SH2D4B: variants seen among roughly 807,000 people sequenced by gnomAD.
The protein encoded by SH2D4B is SH2 domain-containing protein 4B.
SH2D4B carries 45 observed loss-of-function variants against 61.5 expected under a neutral mutation model. The ratio of observed to expected loss-of-function variants is 0.73; its 90% CI spans 0.58 to 0.94. SH2D4B has a LOEUF of 0.94. Among genes scored for constraint, SH2D4B ranks in the 40% least tolerant of loss-of-function variants. SH2D4B has a pLI of 0.00. For missense variants in SH2D4B, 572 were observed against 574.2 expected (o/e 1.00, Z 0.04); for synonymous variants, 224 against 220.4 (o/e 1.02, Z -0.14).
At chr10:80,615,536 C>T (rs1842650955) in intron 6 of SH2D4B, among the ~76,000 whole-genome samples, 2 of 152,222 alleles carry the variant, frequency 1.3e-5, no homozygotes, top group Non-Finnish European at 2.9e-5. Flanking sequence ...CCTCCTCATT[C>T]CTGACCTTGG....
chr10:80,631,641 C>T (rs973731371), intron 6 of SH2D4B, among the ~76,000 whole-genome samples: 4 of 152,218 alleles, frequency 2.6e-5, no homozygotes, highest in African/African-American at 9.6e-5. Flanking sequence ...GAATGAAATC[C>T]TGTCATTTGT....
At position 80,612,182 on chromosome 10, in the gene SH2D4B, C is replaced by CTTTTTTTTTT. The variant is rs796771295; in HGVS notation, c.988+2638_988+2647dup. Among the ~76,000 whole-genome samples, 9 of 62,982 alleles carry CTTTTTTTTTT rather than the reference C, an allele frequency of 1.4e-4. 1 individual carries two copies. The highest frequency in any genetic ancestry group is 9.9e-4 in the East Asian group (1 of 1,012). The allele number at this position is 62,982 out of a possible 152,430, so 41.3% of individuals were successfully genotyped here. A position where few individuals can be genotyped will look rare whatever the true frequency, so the allele number is the denominator to read the frequency against. On this transcript the variant is annotated intron_variant, in intron 6 of 7. Transcript: ENST00000646907. The stretch of plus-strand genomic sequence containing the variant: ...CAGCCCGGGACCTCCCCCACTCCTG[C>CTTTTTTTTTT]TTTTTTTTTTTTTTTTCAACTTTAC...
At position 80,599,344 on chromosome 10, in the gene SH2D4B, G is replaced by A. The variant is rs140277951; in HGVS notation, c.644-4235G>A. The stretch of plus-strand genomic sequence containing the variant: ...ATGGGACATCGTGCAGTTTCTCCTT[G>A]GACATAACTGACTTGAAACTCTCCT... On this transcript the variant is annotated intron_variant, in intron 4 of 7. Coordinates refer to ENST00000646907, the MANE Select transcript of SH2D4B (RefSeq NM_001388272.1). Among the ~76,000 whole-genome samples the A allele has an allele frequency of 3.9e-3, 600 of 152,186 alleles. 2 individuals carry two copies. Among genetic ancestry groups the A allele is most frequent in the Non-Finnish European group, 6.6e-3 (451 of 67,996 alleles).
chr10:80,638,318 A>T (rs1564532036), intron 7 of SH2D4B, among the ~76,000 whole-genome samples: 1 of 152,176 alleles, frequency 6.6e-6, no homozygotes, highest in Non-Finnish European at 1.5e-5. Flanking sequence ...GTTAGAGAGG[A>T]TTCCCTCTTT....
Position 80,563,973 on chromosome 10 carries a change from A to G in SH2D4B, c.185-6181A>G, listed in dbSNP as rs191047861. Among the ~76,000 whole-genome samples, 517 of 152,368 alleles carry G rather than the reference A, an allele frequency of 3.4e-3. 2 individuals carry two copies. Among genetic ancestry groups the G allele is most frequent in the Non-Finnish European group, 5.7e-3 (390 of 68,030 alleles). On this transcript the variant is annotated intron_variant, in intron 1 of 7. Transcript: ENST00000646907. ...TTCCATACGTTGGTACATATAAAACACGTTGAACTGCAATTAGTAGCTAAG... is the reference window on the plus strand; with the variant it reads ...TTCCATACGTTGGTACATATAAAACGCGTTGAACTGCAATTAGTAGCTAAG...
chr10:80,586,743 G>C (rs1483761728), intron 3 of SH2D4B, among the ~76,000 whole-genome samples: 1 of 152,182 alleles, frequency 6.6e-6, no homozygotes, highest in East Asian at 1.9e-4. Context: ...CCTTGCCGCT[G>C]TGGAAGCTTT....
chr10:80,642,720 T>G (rs1840328367), intron 7 of SH2D4B, among the ~76,000 whole-genome samples: 1 of 152,218 alleles, frequency 6.6e-6, no homozygotes, highest in Admixed American at 6.5e-5. Context: ...TCTTGAACAG[T>G]GCTGTAGAGA....
intron 7 of SH2D4B, among the ~76,000 whole-genome samples, chr10:80,637,206 T>C (rs1840197788): frequency 6.6e-6 from 1 of 152,216 alleles, no homozygotes; most frequent in South Asian, 2.1e-4. Flanking sequence ...GTTGTATAGT[T>C]TGAAGTCAGG....
At chr10:80,560,429 A>G (rs1198666873) in intron 1 of SH2D4B, among the ~76,000 whole-genome samples, 2 of 150,276 alleles carry the variant, frequency 1.3e-5, no homozygotes, top group Non-Finnish European at 3.0e-5. Flanking sequence ...GTATAATGGC[A>G]TGATTATAGC....
intron 7 of SH2D4B, among the ~76,000 whole-genome samples, chr10:80,639,795 G>C (rs1840257184): frequency 6.6e-6 from 1 of 152,160 alleles, no homozygotes; most frequent in South Asian, 2.1e-4. Context: ...GGTTAATATT[G>C]TTATGTGTGA....
intron 7 of SH2D4B, among the ~76,000 whole-genome samples, chr10:80,638,981 T>C (rs1157940377): frequency 2.0e-5 from 3 of 152,216 alleles, no homozygotes; most frequent in Admixed American, 1.3e-4. Context: ...TTCTGGTACG[T>C]TGTGTCTTTG....
At chr10:80,608,228 G>T (rs1359564091) in intron 5 of SH2D4B, among the ~76,000 whole-genome samples, 2 of 152,294 alleles carry the variant, frequency 1.3e-5, no homozygotes, top group Admixed American at 1.3e-4. Context: ...GGAAATGGAG[G>T]TGGAAGGAAA....
rs969687737 is a variant in SH2D4B, at chr10:80,642,225, G to A, written c.1210-1768G>A. Among the ~76,000 whole-genome samples the A allele has an allele frequency of 3.4e-4, 52 of 152,256 alleles. 1 individual carries two copies. Among genetic ancestry groups the A allele is most frequent in the African/African-American group, 1.2e-3 (51 of 41,550 alleles). On this transcript the variant is annotated intron_variant, in intron 7 of 7. Coordinates refer to ENST00000646907, the MANE Select transcript of SH2D4B (RefSeq NM_001388272.1). ...TCCCACCTCAGCATCCCTAGTAGCTGGGACTACAGGCATGCACCACCACAC... is the reference window on the plus strand; with the variant it reads ...TCCCACCTCAGCATCCCTAGTAGCTAGGACTACAGGCATGCACCACCACAC...
intron 3 of SH2D4B, among the ~76,000 whole-genome samples, chr10:80,587,151 G>GTTT (rs58312366): frequency 2.5e-4 from 12 of 48,386 alleles, no homozygotes; most frequent in South Asian, 6.2e-4. Flanking sequence ...TTTTTGTTTT[G>GTTT]TTTTTTTTTT....
At chr10:80,547,299 C>G (rs186796759) in intron 1 of SH2D4B, among the ~76,000 whole-genome samples, 9 of 152,328 alleles carry the variant, frequency 5.9e-5, no homozygotes, top group Non-Finnish European at 8.8e-5. Flanking sequence ...GCGCCCCATC[C>G]CTAGTCTTGC....
chr10:80,550,915 C>T lies in SH2D4B; in HGVS notation c.184+12400C>T, dbSNP rs1841751915. 2.7e-5 allele frequency among the ~76,000 whole-genome samples: 4 copies of T among 150,918 alleles called. No homozygotes were observed. The South Asian group carries it at 8.4e-4, about 32-fold the overall frequency. ...ACATATATTGCAGGTGGTTAAAGAT[C>T]AACACAAAAAAAGGAGAAACAAAAT... On this transcript the variant is annotated intron_variant, in intron 1 of 7. Transcript: ENST00000646907.
At chr10:80,625,420 C>T (rs1037016480) in intron 6 of SH2D4B, among the ~76,000 whole-genome samples, 4 of 152,232 alleles carry the variant, frequency 2.6e-5, no homozygotes, top group African/African-American at 9.6e-5. Context: ...ATATGCATAT[C>T]CTTCTACACT....
At chr10:80,570,987 G>A (rs12262272) in intron 2 of SH2D4B, among the ~76,000 whole-genome samples, 16 of 151,908 alleles carry the variant, frequency 1.1e-4, no homozygotes, top group Non-Finnish European at 1.5e-4. Context: ...TGATCCTCCC[G>A]CCTCAGCCTC....
intron 5 of SH2D4B, among the ~76,000 whole-genome samples, chr10:80,608,904 G>A (rs1443379339): frequency 6.6e-6 from 1 of 152,138 alleles, no homozygotes. Context: ...ACAGGCAGGC[G>A]TCCCCTCAGA....
Sources: allele counts gnomAD v4.1 joint callset (sites outside exome capture counted in the v4.1 genomes callset), GRCh38; gene constraint gnomAD v4.1.1; transcripts MANE v1.5; gene names NCBI Gene and HGNC (gene_info 2026-07-23, HGNC 2026-07-21).